Variants in SLFN14 observed in about 807,000 individuals in gnomAD.
SLFN14 encodes the protein protein SLFN14.
In SLFN14, 47 loss-of-function variants were observed where a neutral mutation model predicts 58.6. That is an observed-to-expected ratio of 0.80 (90% CI 0.64 to 1.02). The LOEUF (loss-of-function observed/expected upper bound fraction) is 1.02. Ranked by LOEUF, SLFN14 falls within the 50% of genes least tolerant of loss-of-function variation. The pLI is 0.00. For synonymous variants in SLFN14, 390 were observed against 387.3 expected, an observed-to-expected ratio of 1.01 and a Z score of -0.08; for missense variants, 967 against 1,078.4, an observed-to-expected ratio of 0.90 and a Z score of 1.45.
chr17:35,549,976 T>C (rs1377257966), intron 5 of SLFN14, among the ~76,000 whole-genome samples: 1 of 152,210 alleles, frequency 6.6e-6, no homozygotes. Context: ...TGAAACTTAA[T>C]AAAGAACGTA....
At chr17:35,549,671 C>G (rs1034870992) in intron 5 of SLFN14, among the ~76,000 whole-genome samples, 1 of 152,140 alleles carries the variant, frequency 6.6e-6, no homozygotes, top group Non-Finnish European at 1.5e-5. Flanking sequence ...CTTTATAGTA[C>G]GCTTTAGCAT....
chr17:35,544,434 C>G lies in SLFN14; in HGVS notation c.*3805G>C, dbSNP rs2072520101. ...AGTTGATGGCACAACTTGATCATAA[C>G]TGTGTGAAAATATTTTTCCATATCA... On this transcript the variant is annotated 3_prime_UTR_variant, in exon 6 of 6. Coordinates refer to ENST00000674182, the MANE Select transcript of SLFN14 (RefSeq NM_001129820.2). Among the ~76,000 whole-genome samples the G allele has an allele frequency of 6.6e-6, 1 of 151,902 alleles. No homozygotes were observed. Among genetic ancestry groups the G allele is most frequent in the Non-Finnish European group, 1.5e-5 (1 of 67,990 alleles).
Position 35,548,847 on chromosome 17 carries a change from C to A in SLFN14, c.2131G>T (p.Ala711Ser), listed in dbSNP as rs764063019. ...LFLDPFQIHH[A>S]DVNGLPPPSA... ...GGAGGGGGAAGGCCATTGACATCTG[C>A]GTGATGGATTTGAAAAGGGTCAAGA... The change falls in exon 6 of 6, where the codon GCA (alanine) becomes TCA (serine). Residue 711 changes from alanine (A) to serine (S), a missense_variant. Transcript: ENST00000674182. 3 of 1,551,532 alleles carry A rather than the reference C, an allele frequency of 1.9e-6. No homozygotes were observed. Among genetic ancestry groups the A allele is most frequent in the Non-Finnish European group, 1.7e-6 (2 of 1,146,994 alleles).
At position 35,557,691 on chromosome 17, in the gene SLFN14, G is replaced by A. The variant is rs2072667018; in HGVS notation, c.372C>T (p.Cys124=). The change falls in exon 3 of 6, where the codon TGC becomes TGT. Residue 124 remains cysteine (C), a synonymous_variant. Coordinates refer to ENST00000674182, the MANE Select transcript of SLFN14 (RefSeq NM_001129820.2). Reference sequence around the variant, plus strand: ...TCCGATACAAATTGGAGCGCAAGCTGCAAATCCTTAGTGGAAGGCTGAAAA... The same window carrying A: ...TCCGATACAAATTGGAGCGCAAGCTACAAATCCTTAGTGGAAGGCTGAAAA... The part of the protein sequence containing the change: ...PDVFSLPLRI[C]SLRSNLYRRD... The A allele has an allele frequency of 1.3e-6, 2 of 1,551,708 alleles. No homozygotes were observed. Among genetic ancestry groups the A allele is most frequent in the Non-Finnish European group, 1.7e-6 (2 of 1,146,982 alleles).
At chr17:35,558,532 G>A (rs2072674952) in intron 2 of SLFN14, among the ~76,000 whole-genome samples, 1 of 151,832 alleles carries the variant, frequency 6.6e-6, no homozygotes, top group Admixed American at 6.6e-5. Context: ...AAAGTGCTGG[G>A]ATTACAGATG....
rs1004985 is a variant in SLFN14, at chr17:35,547,007, T to C, written c.*1232A>G. The stretch of plus-strand genomic sequence containing the variant: ...ATCAGAGATGTGCAAAGGCCCCTTG[T>C]AGGAAGACTACTTTCCAGGCCAGCG... On this transcript the variant is annotated 3_prime_UTR_variant, in exon 6 of 6. Coordinates refer to ENST00000674182, the MANE Select transcript of SLFN14 (RefSeq NM_001129820.2). Among the ~76,000 whole-genome samples the C allele has an allele frequency of 0.016, 2,385 of 152,282 alleles. 66 individuals carry two copies. Among genetic ancestry groups the C allele is most frequent in the African/African-American group, 0.054 (2,257 of 41,560 alleles).
chr17:35,553,281 T>C lies in SLFN14; in HGVS notation c.1353A>G (p.Glu451=). Reference sequence around the variant, plus strand: ...GGAGAGCATCACACAGGACATTCTGTTCTTTCCTGAAGCCAACATCACCAG... The same window carrying C: ...GGAGAGCATCACACAGGACATTCTGCTCTTTCCTGAAGCCAACATCACCAG... ...SWAGDVGFRK[E]QNVLCDALLI... The change falls in exon 5 of 6, where the codon GAA becomes GAG. Residue 451 remains glutamate (E), a synonymous_variant. Coordinates refer to ENST00000674182, the MANE Select transcript of SLFN14 (RefSeq NM_001129820.2). 1 of 1,551,692 alleles carries C rather than the reference T, an allele frequency of 6.4e-7. No homozygotes were observed. The highest frequency in any genetic ancestry group is 8.7e-7 in the Non-Finnish European group (1 of 1,146,992).
Position 35,553,195 on chromosome 17 carries a change from C to T in SLFN14, c.1439G>A (p.Gly480Glu), listed in dbSNP as rs1159138883. The change falls in exon 5 of 6, where the codon GGA (glycine) becomes GAA (glutamate). Residue 480 changes from glycine to glutamate, a missense_variant. Transcript: ENST00000674182. Reference sequence around the variant, plus strand: ...TGTGTTTCGGGCATATTCAAGTCCTCCAGGCCAATTGGGGTCTATTAAGAT... The same window carrying T: ...TGTGTTTCGGGCATATTCAAGTCCTTCAGGCCAATTGGGGTCTATTAAGAT... The part of the protein sequence containing the change: ...YTILIDPNWP[G>E]GLEYARNTAH... 6.4e-7 allele frequency: 1 copy of T among 1,551,554 alleles called. No homozygotes were observed. Among genetic ancestry groups the T allele is most frequent in the Non-Finnish European group, 8.7e-7 (1 of 1,146,994 alleles).
At chr17:35,556,232 T>C (rs1476909997) in intron 3 of SLFN14, among the ~76,000 whole-genome samples, 2 of 151,996 alleles carry the variant, frequency 1.3e-5, no homozygotes, top group Non-Finnish European at 2.9e-5. Context: ...GAGATAGGGC[T>C]TCGCTATTTT....
At position 35,546,848 on chromosome 17, in the gene SLFN14, T is replaced by G. The variant is rs1224969575; in HGVS notation, c.*1391A>C. 6.6e-6 allele frequency among the ~76,000 whole-genome samples: 1 copy of G among 152,180 alleles called. No homozygotes were observed. Among genetic ancestry groups the G allele is most frequent in the Non-Finnish European group, 1.5e-5 (1 of 68,032 alleles). ...AGGGGACAGAAAAGGGTTTAAAGAC[T>G]GAGAAAATGGCACAGGCACAGACCA... On this transcript the variant is annotated 3_prime_UTR_variant, in exon 6 of 6. Transcript: ENST00000674182.
intron 2 of SLFN14, among the ~76,000 whole-genome samples, chr17:35,559,328 T>C (rs1312272285): frequency 6.6e-6 from 1 of 152,234 alleles, no homozygotes; most frequent in Admixed American, 6.5e-5. Flanking sequence ...TGTCAGTTGA[T>C]ACCAAATGCA....
chr17:35,548,368 G>A lies in SLFN14; in HGVS notation c.2610C>T (p.Gly870=), dbSNP rs964072074. The part of the protein sequence containing the change: ...IVLDSIQQFS[G]LERTVVFGLS... ...GCCCAAACACGACAGTCCTCTCCAG[G>A]CCTGAAAATTGCTGAATACTGTCTA... is the stretch of plus-strand genomic sequence containing the variant. The change falls in exon 6 of 6, where the codon GGC becomes GGT. Residue 870 remains glycine (G), a synonymous_variant. Coordinates refer to ENST00000674182, the MANE Select transcript of SLFN14 (RefSeq NM_001129820.2). 3.2e-6 allele frequency: 5 copies of A among 1,551,560 alleles called. No homozygotes were observed. The African/African-American group carries it at 5.5e-5, about 17-fold the overall frequency.
Position 35,557,891 on chromosome 17 carries a change from C to T in SLFN14, c.172G>A (p.Gly58Ser). 1 of 1,551,678 alleles carries T rather than the reference C, an allele frequency of 6.4e-7. No homozygotes were observed. Among genetic ancestry groups the T allele is most frequent in the Non-Finnish European group, 8.7e-7 (1 of 1,146,992 alleles). Residue 58 changes from glycine (G) to serine (S), a missense_variant, in exon 3 of 6, where the codon GGT becomes AGT. Gly to Ser is a moderately conservative substitution (Grantham distance 56). Coordinates refer to ENST00000674182, the MANE Select transcript of SLFN14 (RefSeq NM_001129820.2). ...TCATCAATCTCTGCTTTGATCACAC[C>T]ACCTCCAGAATTTAACAGTGCACAT... ...AICALLNSGG[G>S]VIKAEIDDKT...
In SLFN14 at chr17:35,552,947, T is replaced by C. The variant is rs923359585; in HGVS notation, c.1687A>G (p.Met563Val). 9 of 1,551,462 alleles carry C rather than the reference T, an allele frequency of 5.8e-6. No homozygotes were observed. In the African/African-American group the frequency reaches 9.6e-5, roughly 17 times the overall value. ...LSSRSLLSDQ[M>V]GCEFFNLLIM... ...AGCAAGTTGAAAAATTCACAGCCCATCTGGTCACTCAGAAGAGATCTGGAG... is the reference window on the plus strand; with the variant it reads ...AGCAAGTTGAAAAATTCACAGCCCACCTGGTCACTCAGAAGAGATCTGGAG... The change falls in exon 5 of 6, where the codon ATG becomes GTG. Residue 563 changes from methionine to valine, a missense_variant. Transcript: ENST00000674182.
In SLFN14 at chr17:35,552,831, G is replaced by C. The variant is rs747156751; in HGVS notation, c.1803C>G (p.Ala601=). 12 of 1,551,128 alleles carry C rather than the reference G, an allele frequency of 7.7e-6. No homozygotes were observed. In the East Asian group the frequency reaches 2.4e-4, roughly 32 times the overall value. The stretch of plus-strand genomic sequence containing the variant: ...TTTTCTCCATGATCTTTATGGCTAG[G>C]GCTGTCTTCCTGACTCCTGGAAAGC... ...IYCFPGVRKT[A]LAIKIMEKIK... is the part of the protein sequence containing the mutation. The change falls in exon 5 of 6, where the codon GCC becomes GCG. Residue 601 remains alanine, a synonymous_variant. Transcript: ENST00000674182.
At position 35,544,181 on chromosome 17, in the gene SLFN14, C is replaced by T. The variant is rs1183722265; in HGVS notation, c.*4058G>A. ...AACAGCAGAAACCCGAGAGAGTAAA[C>T]CCAATGCTGAAAGTCCATGTACAGC... On this transcript the variant is annotated 3_prime_UTR_variant, in exon 6 of 6. Transcript: ENST00000674182. 1.3e-5 allele frequency among the ~76,000 whole-genome samples: 2 copies of T among 152,148 alleles called. No homozygotes were observed. The highest frequency in any genetic ancestry group is 4.8e-5 in the African/African-American group (2 of 41,432).
chr17:35,552,906 G>A lies in SLFN14; in HGVS notation c.1728C>T (p.Ser576=). The change falls in exon 5 of 6, where the codon AGC becomes AGT. Residue 576 remains serine, a synonymous_variant. Coordinates refer to ENST00000674182, the MANE Select transcript of SLFN14 (RefSeq NM_001129820.2). ...TCTGAAGACTCTCAGAAAGCAACTG[G>A]CTCTGCTCCATTATGAGCAAGTTGA... ...EFFNLLIMEQ[S]QLLSESLQKT... The A allele has an allele frequency of 6.4e-7, 1 of 1,551,520 alleles. No individual in the cohort carries two copies. The highest frequency in any genetic ancestry group is 8.7e-7 in the Non-Finnish European group (1 of 1,146,984).
rs1174043878 is a variant in SLFN14 at position 35,547,989 on chromosome 17, G to A, written c.*250C>T. On this transcript the variant is annotated 3_prime_UTR_variant, in exon 6 of 6. Transcript: ENST00000674182. Reference sequence around the variant, plus strand: ...CTGATGGATGACAGCTGGATTGAGTGGGAAAGCTGGAGACAGGGGACTAAT... The same window carrying A: ...CTGATGGATGACAGCTGGATTGAGTAGGAAAGCTGGAGACAGGGGACTAAT... 18 of 503,344 alleles carry A rather than the reference G, an allele frequency of 3.6e-5. No individual in the cohort carries two copies. The highest frequency in any genetic ancestry group is 5.7e-5 in the Non-Finnish European group (16 of 281,464). 31.2% of individuals were successfully genotyped at this position (503,344 alleles called of 1,614,324 possible).
At chr17:35,555,012 C>T (rs796348033) in intron 3 of SLFN14, among the ~76,000 whole-genome samples, 2 of 152,198 alleles carry the variant, frequency 1.3e-5, no homozygotes, top group African/African-American at 4.8e-5. Flanking sequence ...AATATTCTGA[C>T]TCCAGGTTAT....
Sources: gnomAD v4.1 joint callset for allele counts (sites outside exome capture counted in the v4.1 genomes callset) on GRCh38, gnomAD v4.1.1 for gene constraint, MANE v1.5 for transcripts, NCBI Gene and HGNC (gene_info 2026-07-23, HGNC 2026-07-21) for gene names.